APOL5: variants seen among roughly 807,000 people sequenced by gnomAD.
APOL5 encodes the protein apolipoprotein L5, also known as apolipoprotein L, 5.
In APOL5, 29 loss-of-function variants were observed where a neutral mutation model predicts 35.5. That is an observed-to-expected ratio of 0.82 (90% CI 0.61 to 1.11). The LOEUF (loss-of-function observed/expected upper bound fraction) is 1.11, where lower values mean the gene tolerates loss of function less well. Ranked by LOEUF, APOL5 falls within the 50% of genes most tolerant of loss-of-function variation. The pLI, the probability that APOL5 is intolerant of heterozygous loss-of-function variation, is 0.00. For missense variants in APOL5, 514 were observed against 530.4 expected (o/e 0.97, Z 0.30); for synonymous variants, 188 against 200.2 (o/e 0.94, Z 0.51).
chr22:35,716,377 A>T (rs979453244), upstream of APOL5, among the ~76,000 whole-genome samples: 1 of 152,132 alleles, frequency 6.6e-6, no homozygotes, highest in African/African-American at 2.4e-5. Context: ...GGTTCAAGAG[A>T]TTCTCCTGCC....
At chr22:35,713,611 C>T (rs1569149330), upstream of APOL5, among the ~76,000 whole-genome samples, 1 of 152,176 alleles carries the variant, frequency 6.6e-6, no homozygotes, top group South Asian at 2.1e-4. Flanking sequence ...ACTGTGGGGT[C>T]GGTTTTCTTC....
upstream of APOL5, among the ~76,000 whole-genome samples, chr22:35,714,372 G>A (rs1177304714): frequency 6.6e-6 from 1 of 152,132 alleles, no homozygotes; most frequent in African/African-American, 2.4e-5. Flanking sequence ...CTCTTAATGG[G>A]TCCAGTTTTG....
upstream of APOL5, among the ~76,000 whole-genome samples, chr22:35,716,767 G>A (rs1418764319): frequency 6.6e-6 from 1 of 151,584 alleles, no homozygotes; most frequent in Non-Finnish European, 1.5e-5. Context: ...AATAAGAAAA[G>A]AATATAAAGA....
At chr22:35,729,199 G>A (rs902974978) in intron 4 of APOL5, among the ~76,000 whole-genome samples, 155 bp from the exon 5 acceptor site, 14 of 152,330 alleles carry the variant, frequency 9.2e-5, no homozygotes, top group African/African-American at 3.4e-4. Context: ...AGACCTAGCA[G>A]TGAATAAGAC....
Position 35,726,686 on chromosome 22 carries a change from G to A in APOL5, c.618G>A (p.Gly206=). The change falls in exon 3 of 5, where the codon GGG becomes GGA. Residue 206 remains glycine (G), a synonymous_variant. Coordinates refer to ENST00000249044, the MANE Select transcript of APOL5 (RefSeq NM_030642.1). ...SAARDKASRL[G]PLTTSHEAFG... is the part of the protein sequence containing the mutation. ...CAAGAGACAAAGCCAGCCGACTGGG[G>A]CCTCTGACAACATCACATGAGGCTT... 2 of 1,614,240 alleles carry A rather than the reference G, an allele frequency of 1.2e-6. No homozygotes were observed. Among genetic ancestry groups the A allele is most frequent in the Non-Finnish European group, 1.7e-6 (2 of 1,180,040 alleles).
the APOL5 span, among the ~76,000 whole-genome samples, chr22:35,712,114 C>T: frequency 0.42 from 63,587 of 151,948 alleles, 14,311 homozygotes; most frequent in African/African-American, 0.58. Context: ...TCAAGTGATC[C>T]TCCCATTTCA....
upstream of APOL5, among the ~76,000 whole-genome samples, chr22:35,716,307 C>CT (rs1225734539): frequency 1.3e-5 from 2 of 152,344 alleles, no homozygotes; most frequent in East Asian, 3.9e-4. Context: ...GAGTCTCGCT[C>CT]TGTCACCCAG....
At chr22:35,721,411 A>T (rs1178960914) in intron 2 of APOL5, among the ~76,000 whole-genome samples, 1 of 151,984 alleles carries the variant, frequency 6.6e-6, no homozygotes, top group East Asian at 1.9e-4. Context: ...GGTGTGGTGG[A>T]GCATGCCTGT....
chr22:35,720,201 G>T (rs1195748242), intron 1 of APOL5, among the ~76,000 whole-genome samples: 2 of 152,232 alleles, frequency 1.3e-5, no homozygotes, highest in Non-Finnish European at 2.9e-5. Context: ...CAGGCCCGAG[G>T]GTGGAACCCT....
intron 3 of APOL5, 21 bp from the exon 4 acceptor site, chr22:35,728,702 A>G (rs1206109626): frequency 6.2e-7 from 1 of 1,608,064 alleles, no homozygotes; most frequent in East Asian, 2.3e-5. Context: ...GTTGTAAGAC[A>G]CAGGGACTCA....
At chr22:35,709,101 C>T in the APOL5 span, among the ~76,000 whole-genome samples, 1 of 152,032 alleles carries the variant, frequency 6.6e-6, no homozygotes, top group Non-Finnish European at 1.5e-5. Flanking sequence ...ATGGTGGTTA[C>T]CATGGGTGGT....
intron 2 of APOL5, among the ~76,000 whole-genome samples, chr22:35,723,611 T>TA (rs1330164405): frequency 2.0e-5 from 3 of 152,244 alleles, no homozygotes; most frequent in Admixed American, 2.0e-4. Context: ...ACTTGCCTGT[T>TA]AACAAGCGGC....
At chr22:35,724,873 A>G (rs1237461449) in intron 2 of APOL5, among the ~76,000 whole-genome samples, 2 of 152,162 alleles carry the variant, frequency 1.3e-5, no homozygotes, top group African/African-American at 4.8e-5. Context: ...GGTGTCCCAA[A>G]GTGCTGAGAT....
chr22:35,719,927 G>A (rs975371202), intron 1 of APOL5, among the ~76,000 whole-genome samples: 1 of 152,250 alleles, frequency 6.6e-6, no homozygotes, highest in African/African-American at 2.4e-5. Context: ...AAAGGGGATG[G>A]AGTGGGAAGG....
intron 1 of APOL5, 150 bp from the exon 2 acceptor site, chr22:35,720,418 T>A (rs1569151482): frequency 1.6e-6 from 1 of 636,932 alleles, no homozygotes; most frequent in Non-Finnish European, 2.7e-6. Flanking sequence ...CATGTGACAT[T>A]TCTGAGACAT....
the APOL5 span, among the ~76,000 whole-genome samples, chr22:35,712,781 G>C: frequency 1.1e-4 from 17 of 152,164 alleles, no homozygotes; most frequent in African/African-American, 3.6e-4. Context: ...TTATGACCTG[G>C]GCCTTCTACC....
At chr22:35,708,929 C>T in the APOL5 span, among the ~76,000 whole-genome samples, 1 of 152,138 alleles carries the variant, frequency 6.6e-6, no homozygotes, top group Admixed American at 6.5e-5. Context: ...GGAGGGTGAC[C>T]CAGGTAAGTA....
intron 3 of APOL5, among the ~76,000 whole-genome samples, chr22:35,727,534 G>T (rs926955616): frequency 6.6e-6 from 1 of 152,216 alleles, no homozygotes; most frequent in African/African-American, 2.4e-5. Flanking sequence ...GGAGTGAGCA[G>T]TGCTGGTTGC....
upstream of APOL5, among the ~76,000 whole-genome samples, chr22:35,717,235 A>AAAAAAAAAAAAAAAAAATAT: frequency 1.7e-5 from 1 of 57,650 alleles, no homozygotes; most frequent in African/African-American, 7.9e-5. Context: ...AAAAAAAAAA[A>AAAAAAAAAAAAAAAAAATAT]ATATATATAT....
Sources: gnomAD v4.1 joint callset for allele counts (sites outside exome capture counted in the v4.1 genomes callset) on GRCh38, gnomAD v4.1.1 for gene constraint, MANE v1.5 for transcripts, NCBI Gene and HGNC (gene_info 2026-07-23, HGNC 2026-07-21) for gene names.